MYO1D: variants seen among roughly 807,000 people sequenced by gnomAD.
The protein encoded by MYO1D is myosin ID, also known as unconventional myosin-Id.
MYO1D carries 83 observed loss-of-function variants against 122.0 expected under a neutral mutation model. That is an observed-to-expected ratio of 0.68 (90% CI 0.57 to 0.82). MYO1D has a LOEUF of 0.82. Among genes scored for constraint, MYO1D ranks in the 40% least tolerant of loss-of-function variants. The probability of loss-of-function intolerance (pLI) is 0.00; values close to 1 mark genes in which losing one functional copy is unlikely to be tolerated. For synonymous variants in MYO1D, 464 were observed against 446.9 expected (o/e 1.04, Z -0.48); for missense variants, 1,157 against 1,269.5 (o/e 0.91, Z 1.35).
rs557423033 is a variant in MYO1D, at chr17:32,649,891, T to G, written c.2595+3952A>C. Among the ~76,000 whole-genome samples the G allele has an allele frequency of 3.3e-5, 5 of 152,296 alleles. No homozygotes were observed. In the East Asian group the frequency reaches 9.6e-4, roughly 29 times the overall value. On this transcript the variant is annotated intron_variant, in intron 19 of 21. Coordinates refer to ENST00000318217, the MANE Select transcript of MYO1D (RefSeq NM_015194.3). Reference sequence around the variant, plus strand: ...CTGGCCTATACCACATTTTCTTAATTCATTCATCCATCGATGGACATTTCA... The same window carrying G: ...CTGGCCTATACCACATTTTCTTAATGCATTCATCCATCGATGGACATTTCA...
intron 21 of MYO1D, among the ~76,000 whole-genome samples, chr17:32,549,079 C>A (rs549237936): frequency 1.3e-5 from 2 of 152,096 alleles, no homozygotes; most frequent in Non-Finnish European, 2.9e-5. Context: ...ATATGTTACA[C>A]AAAATGCATA....
chr17:32,737,399 C>T (rs1453333766), intron 14 of MYO1D, among the ~76,000 whole-genome samples: 2 of 150,466 alleles, frequency 1.3e-5, no homozygotes, highest in Non-Finnish European at 3.0e-5. Context: ...CCTGCTCTAT[C>T]ACCCAGACTG....
At chr17:32,876,122 T>G (rs2091225963) in intron 1 of MYO1D, among the ~76,000 whole-genome samples, 1 of 152,064 alleles carries the variant, frequency 6.6e-6, no homozygotes, top group African/African-American at 2.4e-5. Flanking sequence ...CAGTTTATCT[T>G]GGCACTGGCA....
At chr17:32,509,200 T>TGTTTATGTG (rs1909600857) in intron 21 of MYO1D, among the ~76,000 whole-genome samples, 1 of 152,212 alleles carries the variant, frequency 6.6e-6, no homozygotes, top group African/African-American at 2.4e-5. Flanking sequence ...TGTAAGGGGC[T>TGTTTATGTG]GTTTATGTGT....
At chr17:32,563,204 C>CTTTTTTTTTTTTTTTTTTTTTTTTTTTT (rs749819200) in intron 21 of MYO1D, among the ~76,000 whole-genome samples, 1 of 105,134 alleles carries the variant, frequency 9.5e-6, no homozygotes, top group Non-Finnish European at 1.8e-5. Flanking sequence ...TTTTTCTTCT[C>CTTTTTTTTTTTTTTTTTTTTTTTTTTTT]TCTTTTTTTT....
intron 1 of MYO1D, among the ~76,000 whole-genome samples, chr17:32,858,651 T>C (rs2091046266): frequency 6.6e-6 from 1 of 152,250 alleles, no homozygotes; most frequent in South Asian, 2.1e-4. Flanking sequence ...TTTCTGACAT[T>C]GTTCATTTTG....
chr17:32,532,733 A>AC (rs1222017594), intron 21 of MYO1D, among the ~76,000 whole-genome samples: 1 of 151,872 alleles, frequency 6.6e-6, no homozygotes, highest in East Asian at 1.9e-4. Flanking sequence ...CAAAAAAAAA[A>AC]AAAAAAAAAA....
chr17:32,541,465 G>T (rs1376050424), intron 21 of MYO1D, among the ~76,000 whole-genome samples: 1 of 152,116 alleles, frequency 6.6e-6, no homozygotes, highest in Non-Finnish European at 1.5e-5. Flanking sequence ...CTGCCAAAGG[G>T]TTTTCATTTA....
intron 16 of MYO1D, among the ~76,000 whole-genome samples, chr17:32,683,328 T>C (rs867381577): frequency 7.2e-5 from 11 of 152,130 alleles, no homozygotes; most frequent in Non-Finnish European, 1.2e-4. Context: ...AGACGCTCTG[T>C]GTTTTAGAGT....
chr17:32,656,987 G>A (rs904294564), intron 17 of MYO1D, among the ~76,000 whole-genome samples: 2 of 152,182 alleles, frequency 1.3e-5, no homozygotes, highest in South Asian at 2.1e-4. Context: ...GAAGCACACT[G>A]GGGGATTCAG....
At chr17:32,513,135 A>T (rs1395921196) in intron 21 of MYO1D, among the ~76,000 whole-genome samples, 1 of 152,198 alleles carries the variant, frequency 6.6e-6, no homozygotes, top group African/African-American at 2.4e-5. Flanking sequence ...CCGTACCTAA[A>T]AGAGGGTGTG....
At chr17:32,818,261 C>T (rs1040564783) in intron 1 of MYO1D, among the ~76,000 whole-genome samples, 4 of 151,560 alleles carry the variant, frequency 2.6e-5, no homozygotes, top group Non-Finnish European at 4.4e-5. Flanking sequence ...AGTCTGTAAA[C>T]AAGTCTTAGT....
intron 1 of MYO1D, among the ~76,000 whole-genome samples, chr17:32,784,175 A>G (rs547811003): frequency 6.6e-5 from 10 of 152,234 alleles, no homozygotes; most frequent in African/African-American, 2.2e-4. Context: ...TACCAACAAC[A>G]CTTCCACCCA....
At chr17:32,603,876 G>A (rs2087594083) in intron 21 of MYO1D, among the ~76,000 whole-genome samples, 1 of 152,028 alleles carries the variant, frequency 6.6e-6, no homozygotes, top group Non-Finnish European at 1.5e-5. Context: ...TTTGGCAGAT[G>A]GAAAGGAATT....
intron 1 of MYO1D, among the ~76,000 whole-genome samples, chr17:32,814,286 G>C (rs143114562): frequency 1.3e-3 from 203 of 152,352 alleles, no homozygotes; most frequent in African/African-American, 4.8e-3. Context: ...GGAGGTTGCA[G>C]TGAGCTGAGA....
chr17:32,512,956 A>G (rs1909746078), intron 21 of MYO1D: 1 of 152,252 alleles, frequency 6.6e-6, no homozygotes, highest in South Asian at 2.1e-4. Flanking sequence ...ACACCCAGCC[A>G]AGGATTCTTG....
intron 21 of MYO1D, among the ~76,000 whole-genome samples, chr17:32,500,221 G>A (rs1028863707): frequency 5.3e-5 from 8 of 152,188 alleles, no homozygotes; most frequent in Non-Finnish European, 1.0e-4. Flanking sequence ...CATCTGCTGT[G>A]TAAATGGCTC....
Position 32,755,478 on chromosome 17 carries a change from A to G in MYO1D, c.1467+14T>C, listed in dbSNP as rs750935786. 10 of 1,611,852 alleles carry G rather than the reference A, an allele frequency of 6.2e-6. No individual in the cohort carries two copies. In the South Asian group the frequency reaches 6.6e-5, roughly 11 times the overall value. On this transcript the variant is annotated intron_variant, in intron 11 of 21. Coordinates refer to ENST00000318217, the MANE Select transcript of MYO1D (RefSeq NM_015194.3). ...TCACAGATAAAAGGAAGAAGGTGTCATTAAACACATTACCTTTCGGCTGGA... is the reference window on the plus strand; with the variant it reads ...TCACAGATAAAAGGAAGAAGGTGTCGTTAAACACATTACCTTTCGGCTGGA...
chr17:32,777,283 G>T (rs1251853892), intron 3 of MYO1D, among the ~76,000 whole-genome samples: 1 of 152,166 alleles, frequency 6.6e-6, no homozygotes. Context: ...ATGATGAAAA[G>T]AAGAAAGGCT....
Sources: allele counts gnomAD v4.1 joint callset (sites outside exome capture counted in the v4.1 genomes callset), GRCh38; gene constraint gnomAD v4.1.1; transcripts MANE v1.5; gene names NCBI Gene and HGNC (gene_info 2026-07-23, HGNC 2026-07-21).